The following DERL1 variants were observed in gnomAD, a reference collection of about 807,000 sequenced individuals.
The protein encoded by DERL1 is derlin 1.
Under a neutral mutation model 41.6 loss-of-function variants are expected in DERL1, and 24 were observed. That is an observed-to-expected ratio of 0.58 (90% CI 0.42 to 0.81). The LOEUF (loss-of-function observed/expected upper bound fraction) is 0.81. DERL1 is among the 30% of genes least tolerant of loss of function. The pLI is 0.00. For synonymous variants in DERL1, 124 were observed against 112.5 expected (o/e 1.10, Z -0.65); for missense variants, 260 against 314.3 (o/e 0.83, Z 1.31).
chr8:123,016,835 GTTTTTGTT>G (rs766277318), intron 7 of DERL1: 1 of 150,966 alleles, frequency 6.6e-6, no homozygotes, highest in Non-Finnish European at 1.5e-5. Flanking sequence ...AACAACTCGG[GTTTTTGTT>G]TTTTTGTTTT....
intron 1 of DERL1, among the ~76,000 whole-genome samples, chr8:123,034,666 G>A (rs146630963): frequency 5.9e-5 from 9 of 152,264 alleles, no homozygotes; most frequent in East Asian, 1.9e-4. Context: ...CACAAATGGC[G>A]TCAGTATTAT....
chr8:123,028,807 C>T (rs1300636564), intron 2 of DERL1, among the ~76,000 whole-genome samples: 1 of 152,166 alleles, frequency 6.6e-6, no homozygotes, highest in Non-Finnish European at 1.5e-5. Context: ...TGGCTCACGC[C>T]TGTAATCCCA....
At chr8:123,022,589 A>C in intron 5 of DERL1, 95 bp downstream of exon 5, 1 of 1,176,376 alleles carries the variant, frequency 8.5e-7, no homozygotes, top group Non-Finnish European at 1.3e-6. Flanking sequence ...CTCTGCAGTG[A>C]CCCCTTCTGG....
intron 1 of DERL1, among the ~76,000 whole-genome samples, chr8:123,040,333 G>A (rs755500069): frequency 1.1e-4 from 17 of 152,214 alleles, no homozygotes; most frequent in Non-Finnish European, 2.2e-4. Flanking sequence ...GACGGCATTT[G>A]GGCAGAGATC....
intron 1 of DERL1, among the ~76,000 whole-genome samples, chr8:123,040,351 G>A (rs1419520278): frequency 6.6e-6 from 1 of 152,220 alleles, no homozygotes; most frequent in African/African-American, 2.4e-5. Flanking sequence ...ATCTGAAGAA[G>A]GTTAGGAGGT....
chr8:123,027,400 G>C (rs1215052221), intron 2 of DERL1, among the ~76,000 whole-genome samples: 1 of 151,838 alleles, frequency 6.6e-6, no homozygotes, highest in Non-Finnish European at 1.5e-5. Flanking sequence ...GGTTTCTTTT[G>C]GGGGTGGTGA....
At chr8:123,038,628 T>C (rs1223864283) in intron 1 of DERL1, among the ~76,000 whole-genome samples, 1 of 152,178 alleles carries the variant, frequency 6.6e-6, no homozygotes, top group Non-Finnish European at 1.5e-5. Context: ...ATGTGCTTAT[T>C]TACATCGTGT....
chr8:123,041,562 A>G (rs929306750), intron 1 of DERL1, among the ~76,000 whole-genome samples: 1 of 152,242 alleles, frequency 6.6e-6, no homozygotes. Flanking sequence ...GAACTCAGCT[A>G]TAAGTTGGTG....
chr8:123,038,107 G>A (rs529151383), intron 1 of DERL1, among the ~76,000 whole-genome samples: 9 of 152,102 alleles, frequency 5.9e-5, no homozygotes, highest in East Asian at 1.9e-4. Context: ...AAACCTCAGC[G>A]TTCTAAACCA....
chr8:123,015,711 C>T (rs952850510), intron 7 of DERL1, 126 bp from the exon 8 acceptor site: 12 of 1,205,272 alleles, frequency 1.0e-5, no homozygotes, highest in East Asian at 8.1e-5. Context: ...TTGAAGGCAG[C>T]GAGGGACGTC....
chr8:123,019,900 G>C (rs1305085684), intron 6 of DERL1, among the ~76,000 whole-genome samples: 3 of 152,102 alleles, frequency 2.0e-5, no homozygotes, highest in African/African-American at 7.2e-5. Context: ...AGAGTGTATA[G>C]ATCTACTGTT....
At chr8:123,015,937 A>AT (rs1814558030) in intron 7 of DERL1, 1 of 171,638 alleles carries the variant, frequency 5.8e-6, no homozygotes, top group Non-Finnish European at 1.2e-5. Context: ...GCATCTTGGT[A>AT]TATCTAAATA....
At chr8:123,034,738 A>G (rs1008592274) in intron 1 of DERL1, among the ~76,000 whole-genome samples, 4 of 152,226 alleles carry the variant, frequency 2.6e-5, no homozygotes, top group African/African-American at 9.6e-5. Context: ...ATCCTGAAAT[A>G]GACTCAGAGT....
intron 1 of DERL1, among the ~76,000 whole-genome samples, chr8:123,041,522 C>A (rs1813068501): frequency 6.6e-6 from 1 of 151,960 alleles, no homozygotes; most frequent in Non-Finnish European, 1.5e-5. Context: ...ATAGGAAAAC[C>A]AAAACAAAAA....
intron 5 of DERL1, among the ~76,000 whole-genome samples, 164 bp from the exon 6 acceptor site, chr8:123,021,663 T>C (rs1032175706): frequency 1.3e-5 from 2 of 152,200 alleles, no homozygotes; most frequent in Non-Finnish European, 2.9e-5. Flanking sequence ...ATTCCCACTA[T>C]ACTTAAACCT....
Position 123,042,184 on chromosome 8 carries a change from C to G in DERL1, c.-62G>C. 1 of 1,505,926 alleles carries G rather than the reference C, an allele frequency of 6.6e-7. No homozygotes were observed. 93.3% of individuals were successfully genotyped at this position (1,505,926 alleles called of 1,614,324 possible). A position where few individuals can be genotyped will look rare whatever the true frequency, so the allele number is the denominator to read the frequency against. ...CCGACTCCCCGTGCCGACCCCCTCA[C>G]GACGCGGCCGGCTCCGCGACTGTTA... On this transcript the variant is annotated 5_prime_UTR_variant, in exon 1 of 8. Transcript: ENST00000259512.
Position 123,023,725 on chromosome 8 carries a change from T to G in DERL1, c.345A>C (p.Ala115=). The change falls in exon 4 of 8, where the codon GCA becomes GCC. Residue 115 remains alanine (A), a synonymous_variant. Coordinates refer to ENST00000259512, the MANE Select transcript of DERL1 (RefSeq NM_024295.6). ...AATGGACACTTACCTGCATATCCAT[T>G]GCTAAGCCAGTAATCTTGGTTTGTA... ...NWICIVITGL[A]MDMQLLMIPL... The G allele has an allele frequency of 1.9e-6, 3 of 1,610,788 alleles. No individual in the cohort carries two copies. The highest frequency in any genetic ancestry group is 2.5e-6 in the Non-Finnish European group (3 of 1,178,554).
At chr8:123,036,952 T>G (rs1157757707) in intron 1 of DERL1, among the ~76,000 whole-genome samples, 1 of 152,216 alleles carries the variant, frequency 6.6e-6, no homozygotes, top group South Asian at 2.1e-4. Flanking sequence ...CCATTTCTTA[T>G]TCCTGGAAAT....
Position 123,040,438 on chromosome 8 carries a change from G to A in DERL1, c.153+1532C>T, listed in dbSNP as rs562175460. Among the ~76,000 whole-genome samples, 7 of 152,326 alleles carry A rather than the reference G, an allele frequency of 4.6e-5. No individual in the cohort carries two copies. In the South Asian group the frequency reaches 1.0e-3, roughly 23 times the overall value. On this transcript the variant is annotated intron_variant, in intron 1 of 7. Transcript: ENST00000259512. ...AGGCCCTGAGGAGAGATCCAGATAA[G>A]CACTGAAGTAACAGCAAGGATCTCA...
Sources: allele counts gnomAD v4.1 joint callset (sites outside exome capture counted in the v4.1 genomes callset), GRCh38; gene constraint gnomAD v4.1.1; transcripts MANE v1.5; gene names NCBI Gene and HGNC (gene_info 2026-07-23, HGNC 2026-07-21).